The following PCDH9 variants were observed in gnomAD, a reference collection of about 807,000 sequenced individuals.
PCDH9 encodes protocadherin 9.
In PCDH9, 24 loss-of-function variants were observed where a neutral mutation model predicts 70.6. The ratio of observed to expected loss-of-function variants is 0.34; its 90% CI spans 0.25 to 0.48. The LOEUF is 0.48. Among genes scored for constraint, PCDH9 ranks in the 20% least tolerant of loss-of-function variants. The pLI is 0.99. For missense variants in PCDH9, 1,281 were observed against 1,503.6 expected, an observed-to-expected ratio of 0.85 and a Z score of 2.45; for synonymous variants, 562 against 558.5, an observed-to-expected ratio of 1.01 and a Z score of -0.09.
At chr13:66,394,783 C>T (rs993896185) in intron 4 of PCDH9, among the ~76,000 whole-genome samples, 8 of 152,104 alleles carry the variant, frequency 5.3e-5, no homozygotes, top group African/African-American at 1.9e-4. Context: ...CTTGAGTGAA[C>T]ACAAGCTATT....
intron 3 of PCDH9, among the ~76,000 whole-genome samples, chr13:66,734,555 T>C (rs1056948842): frequency 6.6e-5 from 10 of 152,172 alleles, no homozygotes; most frequent in African/African-American, 1.9e-4. Context: ...ATTTTGCAAT[T>C]TGGCTAACTC....
intron 2 of PCDH9, among the ~76,000 whole-genome samples, chr13:67,087,628 A>C (rs991528504): frequency 6.6e-6 from 1 of 152,122 alleles, no homozygotes; most frequent in East Asian, 1.9e-4. Flanking sequence ...TCCATTGGCA[A>C]ACATTAGCTG....
At chr13:66,431,519 C>T (rs1324994897) in intron 4 of PCDH9, among the ~76,000 whole-genome samples, 5 of 151,966 alleles carry the variant, frequency 3.3e-5, no homozygotes, top group African/African-American at 9.7e-5. Flanking sequence ...ATGTATTATA[C>T]AGCTTTGTAA....
intron 4 of PCDH9, among the ~76,000 whole-genome samples, chr13:66,316,953 T>A (rs984336376): frequency 3.3e-5 from 5 of 152,184 alleles, no homozygotes; most frequent in African/African-American, 9.6e-5. Context: ...GACCTCCTGA[T>A]CTCAACTGAT....
At chr13:66,340,737 G>C (rs748725023) in intron 4 of PCDH9, among the ~76,000 whole-genome samples, 2 of 152,134 alleles carry the variant, frequency 1.3e-5, no homozygotes, top group Non-Finnish European at 2.9e-5. Context: ...TATACAAAGA[G>C]GTGAGGTGTT....
intron 3 of PCDH9, among the ~76,000 whole-genome samples, chr13:66,776,558 A>G (rs1363466648): frequency 6.6e-6 from 1 of 152,052 alleles, no homozygotes; most frequent in Non-Finnish European, 1.5e-5. Context: ...AATACCTAGG[A>G]ATCCAACTTA....
At chr13:67,229,534 C>T (rs2089961174) in intron 1 of PCDH9, among the ~76,000 whole-genome samples, 2 of 152,196 alleles carry the variant, frequency 1.3e-5, no homozygotes, top group Admixed American at 6.5e-5. Context: ...GGGTGCAAGG[C>T]TCCAGGCAGC....
intron 2 of PCDH9, among the ~76,000 whole-genome samples, chr13:67,039,873 G>A (rs1341800184): frequency 1.3e-5 from 2 of 152,050 alleles, no homozygotes; most frequent in Non-Finnish European, 2.9e-5. Flanking sequence ...GTGCAGTCTT[G>A]TGAGACTAAG....
At chr13:67,047,847 A>T (rs1430694884) in intron 2 of PCDH9, among the ~76,000 whole-genome samples, 2 of 152,222 alleles carry the variant, frequency 1.3e-5, no homozygotes, top group South Asian at 4.1e-4. Context: ...TTAAGGACCC[A>T]CATGAATATT....
At chr13:67,005,904 G>A (rs1323448019) in intron 2 of PCDH9, among the ~76,000 whole-genome samples, 2 of 152,114 alleles carry the variant, frequency 1.3e-5, no homozygotes, top group Non-Finnish European at 2.9e-5. Context: ...AAAAGCTGTG[G>A]TAGGCATCAT....
At chr13:66,692,504 A>AT (rs1251982209) in intron 3 of PCDH9, among the ~76,000 whole-genome samples, 15 of 152,048 alleles carry the variant, frequency 9.9e-5, no homozygotes, top group Non-Finnish European at 2.1e-4. Context: ...GTTCTGAAAT[A>AT]TTATTTTTGT....
chr13:66,404,145 T>G (rs1171491423), intron 4 of PCDH9, among the ~76,000 whole-genome samples: 1 of 152,164 alleles, frequency 6.6e-6, no homozygotes, highest in Non-Finnish European at 1.5e-5. Context: ...AAGACTTGCC[T>G]TGAAGTCAAT....
chr13:66,466,188 C>T (rs774961002), intron 4 of PCDH9, among the ~76,000 whole-genome samples: 11 of 151,564 alleles, frequency 7.3e-5, no homozygotes, highest in Non-Finnish European at 1.3e-4. Flanking sequence ...TTCTATCCCT[C>T]CCTCCTCTCC....
chr13:67,031,639 T>C (rs2084909232), intron 2 of PCDH9, among the ~76,000 whole-genome samples: 2 of 152,158 alleles, frequency 1.3e-5, no homozygotes, highest in Non-Finnish European at 2.9e-5. Flanking sequence ...GCTGAGATCG[T>C]GCCACTGCAC....
intron 3 of PCDH9, among the ~76,000 whole-genome samples, chr13:66,871,059 TA>T (rs528193059): frequency 2.0e-5 from 3 of 151,986 alleles, no homozygotes; most frequent in Admixed American, 6.6e-5. Context: ...TATGCAGCCA[TA>T]AAAAATGATG....
intron 2 of PCDH9, among the ~76,000 whole-genome samples, chr13:67,022,841 C>G (rs980026248): frequency 1.2e-4 from 18 of 152,284 alleles, no homozygotes; most frequent in Non-Finnish European, 2.6e-4. Context: ...ATCAAAGGCT[C>G]CTCTCCTATG....
chr13:66,681,738 T>G (rs540622647), intron 3 of PCDH9, among the ~76,000 whole-genome samples: 3 of 152,088 alleles, frequency 2.0e-5, no homozygotes, highest in Non-Finnish European at 4.4e-5. Context: ...CCCAGCATTG[T>G]ACTTTTCCCT....
chr13:67,119,156 C>T (rs1284900335), intron 2 of PCDH9, among the ~76,000 whole-genome samples: 1 of 152,060 alleles, frequency 6.6e-6, no homozygotes, highest in African/African-American at 2.4e-5. Context: ...TAAAGCCTTA[C>T]AATGTTTAGA....
At chr13:66,916,999 A>G (rs558088241) in intron 2 of PCDH9, among the ~76,000 whole-genome samples, 2 of 151,688 alleles carry the variant, frequency 1.3e-5, no homozygotes, top group East Asian at 3.9e-4. Context: ...TCTGCTGCTC[A>G]TTAAACTGAA....
Sources: allele counts gnomAD v4.1 joint callset (sites outside exome capture counted in the v4.1 genomes callset), GRCh38; gene constraint gnomAD v4.1.1; transcripts MANE v1.5; gene names NCBI Gene and HGNC (gene_info 2026-07-23, HGNC 2026-07-21).